SPSB1: variants seen among roughly 807,000 people sequenced by gnomAD.
SPSB1 encodes splA/ryanodine receptor domain and SOCS box containing 1.
SPSB1 carries 8 observed loss-of-function variants against 21.2 expected under a neutral mutation model. The ratio of observed to expected loss-of-function variants is 0.38; its 90% CI spans 0.22 to 0.68. SPSB1 has a LOEUF of 0.68. Ranked by LOEUF, SPSB1 falls within the 30% of genes least tolerant of loss-of-function variation. SPSB1 has a pLI of 0.53. For missense variants in SPSB1, 242 were observed against 377.8 expected (o/e 0.64, Z 2.98); for synonymous variants, 169 against 161.7 (o/e 1.05, Z -0.34).
At chr1:9,350,472 G>A (rs1353666392) in intron 1 of SPSB1, among the ~76,000 whole-genome samples, 1 of 152,254 alleles carries the variant, frequency 6.6e-6, no homozygotes, top group Non-Finnish European at 1.5e-5. Flanking sequence ...ATGGAGAGCA[G>A]GCGCCGCCGG....
At chr1:9,347,063 A>T (rs1253534239) in intron 1 of SPSB1, among the ~76,000 whole-genome samples, 1 of 152,344 alleles carries the variant, frequency 6.6e-6, no homozygotes, top group Non-Finnish European at 1.5e-5. Flanking sequence ...CACACCTGTT[A>T]TCCGAGCACT....
chr1:9,307,289 A>G (rs1294041), intron 1 of SPSB1, among the ~76,000 whole-genome samples: 11,320 of 152,126 alleles, frequency 0.074, 1,367 homozygotes, highest in African/African-American at 0.25. Context: ...AAGTGAACAG[A>G]TCAGTGGCAT....
chr1:9,319,346 C>A (rs1639669120), intron 1 of SPSB1, among the ~76,000 whole-genome samples: 2 of 152,184 alleles, frequency 1.3e-5, no homozygotes, highest in African/African-American at 4.8e-5. Context: ...TGTTGCTCAC[C>A]AAGGCGGGGA....
rs1640168297 is a variant in SPSB1, at chr1:9,346,504, A to G, written c.-149-9239A>G. On this transcript the variant is annotated intron_variant, in intron 1 of 2. Coordinates refer to ENST00000328089, the MANE Select transcript of SPSB1 (RefSeq NM_025106.4). This position sits in a 1 kb window ranked among gnomAD's most constrained non-coding sequence, Gnocchi z 4.4. ...CGTTCCTTCAACAGACCTCTTCCTA[A>G]AACACCACCACAAACAGGTAATTTT... 6.6e-6 allele frequency among the ~76,000 whole-genome samples: 1 copy of G among 152,188 alleles called. No homozygotes were observed. The highest frequency in any genetic ancestry group is 1.5e-5 in the Non-Finnish European group (1 of 68,040).
intron 1 of SPSB1, among the ~76,000 whole-genome samples, chr1:9,313,324 C>T (rs867940675): frequency 4.6e-5 from 7 of 152,070 alleles, no homozygotes; most frequent in Non-Finnish European, 7.4e-5. Flanking sequence ...CGCTTGGACC[C>T]GGGAGGCAGA....
At chr1:9,340,769 T>C (rs559051107) in intron 1 of SPSB1, among the ~76,000 whole-genome samples, 1 of 152,340 alleles carries the variant, frequency 6.6e-6, no homozygotes, top group Admixed American at 6.5e-5. Flanking sequence ...GTTTTTTATT[T>C]TATGGAAAGT....
intron 1 of SPSB1, among the ~76,000 whole-genome samples, chr1:9,303,141 G>A (rs951389107): frequency 5.3e-5 from 8 of 152,196 alleles, no homozygotes; most frequent in Non-Finnish European, 1.0e-4. Flanking sequence ...GATCTGGACT[G>A]CTCCACAATG....
intron 1 of SPSB1, among the ~76,000 whole-genome samples, chr1:9,318,014 C>T (rs913254937): frequency 2.0e-5 from 3 of 152,172 alleles, no homozygotes; most frequent in South Asian, 2.1e-4. Context: ...GGTTTGGTGA[C>T]GTGCCAGGTG....
intron 1 of SPSB1, among the ~76,000 whole-genome samples, chr1:9,297,055 C>T (rs1639236400): frequency 6.6e-6 from 1 of 152,180 alleles, no homozygotes; most frequent in Admixed American, 6.5e-5. Context: ...GCCTTGCCTG[C>T]CATTGAGGTC....
intron 1 of SPSB1, chr1:9,339,247 C>T (rs923600631): frequency 2.8e-5 from 28 of 985,258 alleles, no homozygotes; most frequent in Non-Finnish European, 3.0e-5. Context: ...CTAGAATATT[C>T]GAGAACTCCA....
At chr1:9,350,228 A>G (rs1187531197) in intron 1 of SPSB1, among the ~76,000 whole-genome samples, 1 of 152,236 alleles carries the variant, frequency 6.6e-6, no homozygotes, top group African/African-American at 2.4e-5. Flanking sequence ...AGCACCAGAC[A>G]TTGGACCCCT....
At chr1:9,342,977 G>C (rs573725759) in intron 1 of SPSB1, among the ~76,000 whole-genome samples, 5 of 152,278 alleles carry the variant, frequency 3.3e-5, no homozygotes, top group Non-Finnish European at 7.4e-5. Flanking sequence ...TCTCTGCCCT[G>C]CACCCCCATC....
At chr1:9,296,744 T>C (rs1192897469) in intron 1 of SPSB1, among the ~76,000 whole-genome samples, 1 of 152,262 alleles carries the variant, frequency 6.6e-6, no homozygotes, top group Non-Finnish European at 1.5e-5. Flanking sequence ...ACTGTTACTC[T>C]ATGCGGGGCA....
chr1:9,333,661 G>A (rs1463613869), intron 1 of SPSB1, among the ~76,000 whole-genome samples: 3 of 152,310 alleles, frequency 2.0e-5, no homozygotes, highest in East Asian at 3.9e-4. Context: ...CGCCTGCGGT[G>A]TGAGCCTGCT....
In SPSB1 at chr1:9,367,693, C is replaced by A; in HGVS notation, c.*118C>A. On this transcript the variant is annotated 3_prime_UTR_variant, in exon 3 of 3. Coordinates refer to ENST00000328089, the MANE Select transcript of SPSB1 (RefSeq NM_025106.4). The surrounding 1 kb of genome is among the most constrained non-coding windows in gnomAD (Gnocchi z 5.9). ...GGCATCCGTAGCCATGGACAGAGGT[C>A]CCTGGTCTTCCCTCATCCTCCGTGG... The A allele has an allele frequency of 6.4e-6, 9 of 1,407,450 alleles. No homozygotes were observed. Among genetic ancestry groups the A allele is most frequent in the Non-Finnish European group, 8.4e-6 (9 of 1,065,752 alleles). 87.2% of individuals were successfully genotyped at this position (1,407,450 alleles called of 1,614,324 possible).
rs1307436577 is a variant in SPSB1, at chr1:9,368,214, T to A, written c.*639T>A. ...TTTAACAATAACAAAAGCCATTTAT[T>A]TATTCCATCTAGAAAGGAAACCCTG... On this transcript the variant is annotated 3_prime_UTR_variant, in exon 3 of 3. Transcript: ENST00000328089. 6.5e-6 allele frequency: 1 copy of A among 152,894 alleles called. No individual in the cohort carries two copies. Among genetic ancestry groups the A allele is most frequent in the Non-Finnish European group, 1.5e-5 (1 of 68,304 alleles). The allele number at this position is 152,894 out of a possible 1,614,324, so 9.5% of individuals were successfully genotyped here.
In SPSB1 at chr1:9,359,431, C is replaced by CGGT. The variant is rs1350779237; in HGVS notation, c.694+2849_694+2851dup. 2.0e-5 allele frequency among the ~76,000 whole-genome samples: 3 copies of CGGT among 152,058 alleles called. No individual in the cohort carries two copies. The East Asian group carries it at 5.8e-4, about 29-fold the overall frequency. ...AGGAGTGTCGTTCTGCGGCTGGGCG[C>CGGT]GGTGGCTCATGCCTGTAATCCCAGC... On this transcript the variant is annotated intron_variant, in intron 2 of 2. Transcript: ENST00000328089.
rs1308375016 is a variant in SPSB1, at chr1:9,325,227, C to CG, written c.-149-30516_-149-30515insG. On this transcript the variant is annotated intron_variant, in intron 1 of 2. Transcript: ENST00000328089. The stretch of plus-strand genomic sequence containing the variant: ...CTGAGCCAATGCCTCCCACCACCAC[C>CG]CCCCCCCCCCGCCCCGCCTCCACCG... Among the ~76,000 whole-genome samples, 101 of 13,478 alleles carry CG rather than the reference C, an allele frequency of 7.5e-3. 2 individuals carry two copies. Among genetic ancestry groups the CG allele is most frequent in the Middle Eastern group, 0.12 (2 of 16 alleles). 8.8% of individuals were successfully genotyped at this position (13,478 alleles called of 152,430 possible).
rs552144079 is a variant in SPSB1 at position 9,348,031 on chromosome 1, G to A, written c.-149-7712G>A. On this transcript the variant is annotated intron_variant, in intron 1 of 2. Coordinates refer to ENST00000328089, the MANE Select transcript of SPSB1 (RefSeq NM_025106.4). This position sits in a 1 kb window ranked among gnomAD's most constrained non-coding sequence, Gnocchi z 4.8. ...GCGATCTCGGCTCACTGCAACCTCC[G>A]CCTCCTGGGTTCAAGTGATTCTCCT... Among the ~76,000 whole-genome samples the A allele has an allele frequency of 3.5e-4, 51 of 147,422 alleles. No individual in the cohort carries two copies. Among genetic ancestry groups the A allele is most frequent in the African/African-American group, 1.1e-3 (43 of 39,898 alleles).
Sources: gnomAD v4.1 joint callset for allele counts (sites outside exome capture counted in the v4.1 genomes callset) on GRCh38, gnomAD v4.1.1 for gene constraint, Gnocchi (gnomAD v3.1) non-coding constraint, MANE v1.5 for transcripts, NCBI Gene and HGNC (gene_info 2026-07-23, HGNC 2026-07-21) for gene names.